DCC: variants seen among roughly 807,000 people sequenced by gnomAD.
The protein encoded by DCC is DCC netrin 1 receptor.
A neutral mutation model predicts 172.5 loss-of-function variants in DCC; 58 were observed. That is an observed-to-expected ratio of 0.34 (90% confidence interval 0.27 to 0.42). The LOEUF is 0.42. Ranked by LOEUF, DCC falls within the 10% of genes least tolerant of loss-of-function variation. DCC has a pLI of 1.00. For synonymous variants in DCC, 709 were observed against 644.5 expected (o/e 1.10, Z -1.52); for missense variants, 1,740 against 1,791.0 (o/e 0.97, Z 0.51).
chr18:52,842,457 C>T lies in DCC; in HGVS notation c.413-63587C>T, dbSNP rs147835312. ...GTAGAAAGAATCTTCAACCTTCTTA[C>T]TTCTTTTTGTTCTATTAAGGCCCTT... On this transcript the variant is annotated intron_variant, in intron 2 of 28. Coordinates refer to ENST00000442544, the MANE Select transcript of DCC (RefSeq NM_005215.4). Among the ~76,000 whole-genome samples the T allele has an allele frequency of 3.4e-3, 513 of 152,222 alleles. 3 individuals are homozygous for T. The highest frequency in any genetic ancestry group is 0.011 in the African/African-American group (475 of 41,530).
At chr18:53,433,348 G>A (rs1911742057) in intron 21 of DCC, among the ~76,000 whole-genome samples, 1 of 152,128 alleles carries the variant, frequency 6.6e-6, no homozygotes, top group Non-Finnish European at 1.5e-5. Context: ...AAATTACAGG[G>A]AGAGTTGGAA....
At chr18:52,927,013 CAAAG>C (rs2040217572) in intron 5 of DCC, among the ~76,000 whole-genome samples, 1 of 122,408 alleles carries the variant, frequency 8.2e-6, no homozygotes, top group African/African-American at 2.9e-5. Flanking sequence ...ACACAATTCA[CAAAG>C]AAAAAATGCC....
At chr18:53,521,297 A>C (rs1169224076) in intron 27 of DCC, among the ~76,000 whole-genome samples, 25 of 152,128 alleles carry the variant, frequency 1.6e-4, no homozygotes, top group Non-Finnish European at 1.5e-5. Context: ...ATTATAATGA[A>C]CTTTCTAATG....
intron 5 of DCC, among the ~76,000 whole-genome samples, chr18:52,992,574 C>T (rs901823882): frequency 5.3e-5 from 8 of 152,140 alleles, no homozygotes; most frequent in Admixed American, 3.3e-4. Flanking sequence ...CCAGATACCA[C>T]CTCCTTAAGC....
intron 1 of DCC, among the ~76,000 whole-genome samples, chr18:52,555,327 G>A (rs907457791): frequency 6.6e-6 from 1 of 152,144 alleles, no homozygotes; most frequent in African/African-American, 2.4e-5. Context: ...CTAGGGTCAT[G>A]TGCTGTGGAG....
At chr18:53,261,778 C>T (rs960733823) in intron 12 of DCC, among the ~76,000 whole-genome samples, 2 of 152,106 alleles carry the variant, frequency 1.3e-5, no homozygotes, top group African/African-American at 4.8e-5. Context: ...GGATTACAAG[C>T]GTGAGCCACT....
intron 2 of DCC, among the ~76,000 whole-genome samples, chr18:52,865,817 A>G (rs1230100703): frequency 1.3e-5 from 2 of 152,038 alleles, no homozygotes; most frequent in East Asian, 1.9e-4. Context: ...AAACAGAGAC[A>G]ACTTGGCTTC....
Position 52,366,201 on chromosome 18 carries a change from G to A in DCC, c.91+25323G>A, listed in dbSNP as rs187825929. On this transcript the variant is annotated intron_variant, in intron 1 of 28. Coordinates refer to ENST00000442544, the MANE Select transcript of DCC (RefSeq NM_005215.4). Reference sequence around the variant, plus strand: ...TTAAAATATTAGTACTAATGTGTCCGGAATTGGTGGGTTCTTGGTCTCACT... The same window carrying A: ...TTAAAATATTAGTACTAATGTGTCCAGAATTGGTGGGTTCTTGGTCTCACT... 8.0e-4 allele frequency among the ~76,000 whole-genome samples: 121 copies of A among 152,200 alleles called. 1 individual carries two copies. The highest frequency in any genetic ancestry group is 6.8e-3 in the Middle Eastern group (2 of 294).
chr18:52,843,155 T>C (rs1005674448), intron 2 of DCC, among the ~76,000 whole-genome samples: 4 of 152,176 alleles, frequency 2.6e-5, no homozygotes, highest in Admixed American at 6.5e-5. Flanking sequence ...AACTTGTATC[T>C]TTTTTTGCAT....
At chr18:53,420,916 CAG>C (rs1272481346) in intron 21 of DCC, among the ~76,000 whole-genome samples, 1 of 152,158 alleles carries the variant, frequency 6.6e-6, no homozygotes, top group Non-Finnish European at 1.5e-5. Flanking sequence ...TAGCTGTTGG[CAG>C]AGTTAGAACT....
At chr18:53,162,631 C>A (rs1380548575) in intron 8 of DCC, among the ~76,000 whole-genome samples, 1 of 152,170 alleles carries the variant, frequency 6.6e-6, no homozygotes, top group Non-Finnish European at 1.5e-5. Flanking sequence ...GATCTTTGCG[C>A]TTGCTCTTCA....
intron 5 of DCC, among the ~76,000 whole-genome samples, chr18:53,032,034 A>T (rs975475135): frequency 2.6e-5 from 4 of 152,160 alleles, no homozygotes; most frequent in Non-Finnish European, 5.9e-5. Flanking sequence ...GATTTTGTGA[A>T]ATATGTATAT....
intron 2 of DCC, among the ~76,000 whole-genome samples, chr18:52,825,201 C>A (rs963705564): frequency 2.6e-5 from 4 of 152,140 alleles, no homozygotes; most frequent in Non-Finnish European, 5.9e-5. Context: ...GCTAACCATC[C>A]TATGATCCAA....
chr18:53,380,477 C>A (rs1189570499), intron 15 of DCC, among the ~76,000 whole-genome samples: 4 of 152,060 alleles, frequency 2.6e-5, no homozygotes, highest in African/African-American at 9.7e-5. Flanking sequence ...TCTGGAAGAT[C>A]AATTATTGGA....
At chr18:53,301,434 C>CA (rs61512849) in intron 12 of DCC, among the ~76,000 whole-genome samples, 617 of 150,360 alleles carry the variant, frequency 4.1e-3, no homozygotes, top group South Asian at 5.1e-3. Context: ...TCTACCACCT[C>CA]AAAAAAAAAA....
At position 52,604,584 on chromosome 18, in the gene DCC, G is replaced by C. The variant is rs1874059057; in HGVS notation, c.92-147470G>C. Among the ~76,000 whole-genome samples, 3 of 152,242 alleles carry C rather than the reference G, an allele frequency of 2.0e-5. No individual in the cohort carries two copies. The South Asian group carries it at 6.2e-4, about 32-fold the overall frequency. On this transcript the variant is annotated intron_variant, in intron 1 of 28. Transcript: ENST00000442544. ...CATCTGTGCCTGTCCCTTCTTTGTG[G>C]GGAAGGAAAAGTCTTTACCAGAAGT...
At chr18:52,631,233 T>C (rs574165368) in intron 1 of DCC, among the ~76,000 whole-genome samples, 1 of 152,284 alleles carries the variant, frequency 6.6e-6, no homozygotes, top group East Asian at 1.9e-4. Context: ...TTTAATTGCA[T>C]GTTTATGTTA....
intron 7 of DCC, among the ~76,000 whole-genome samples, chr18:53,126,919 G>A (rs757019087): frequency 2.6e-5 from 4 of 152,086 alleles, no homozygotes; most frequent in African/African-American, 4.8e-5. Context: ...CACACACCCA[G>A]TACTTTTATG....
chr18:53,253,781 T>G (rs2056471603), intron 12 of DCC, among the ~76,000 whole-genome samples: 1 of 152,062 alleles, frequency 6.6e-6, no homozygotes, highest in Non-Finnish European at 1.5e-5. Context: ...CTTAAGGAGT[T>G]AGATTGAAAC....
Sources: allele counts gnomAD v4.1 joint callset (sites outside exome capture counted in the v4.1 genomes callset), GRCh38; gene constraint gnomAD v4.1.1; transcripts MANE v1.5; gene names NCBI Gene and HGNC (gene_info 2026-07-23, HGNC 2026-07-21).